Variants in PLCXD3 observed in about 807,000 individuals in gnomAD.
The protein encoded by PLCXD3 is PI-PLC X domain-containing protein 3.
Under a neutral mutation model 25.5 loss-of-function variants are expected in PLCXD3, and 19 were observed. The observed-to-expected ratio is 0.75, with a 90% CI of 0.52 to 1.09. PLCXD3 has a LOEUF of 1.09. PLCXD3 is among the 50% of genes least tolerant of loss of function. The pLI is 0.00. For synonymous variants in PLCXD3, 174 were observed against 137.6 expected, an observed-to-expected ratio of 1.26 and a Z score of -1.85; for missense variants, 411 against 388.1, an observed-to-expected ratio of 1.06 and a Z score of -0.50.
chr5:41,441,532 T>A (rs1339519747), intron 1 of PLCXD3, among the ~76,000 whole-genome samples: 2 of 152,148 alleles, frequency 1.3e-5, no homozygotes, highest in Non-Finnish European at 1.5e-5. Context: ...GAAACCTCCC[T>A]CCAGGAGGGA....
At chr5:41,317,834 A>T (rs1743346762) in intron 2 of PLCXD3, among the ~76,000 whole-genome samples, 1 of 152,126 alleles carries the variant, frequency 6.6e-6, no homozygotes, top group Non-Finnish European at 1.5e-5. Flanking sequence ...AAAAGAAAAA[A>T]TAATAAAAAA....
At chr5:41,386,494 C>T (rs909068195) in intron 1 of PLCXD3, among the ~76,000 whole-genome samples, 14 of 152,154 alleles carry the variant, frequency 9.2e-5, no homozygotes, top group African/African-American at 3.4e-4. Flanking sequence ...GTGACAAGAC[C>T]TATATAATCC....
At chr5:41,472,710 G>T (rs576913179) in intron 1 of PLCXD3, among the ~76,000 whole-genome samples, 12 of 152,222 alleles carry the variant, frequency 7.9e-5, no homozygotes, top group Admixed American at 2.0e-4. Flanking sequence ...AAGAAGCAAT[G>T]ATGGTTTGAA....
intron 1 of PLCXD3, among the ~76,000 whole-genome samples, chr5:41,474,195 C>A (rs1412539077): frequency 1.2e-4 from 18 of 152,170 alleles, no homozygotes; most frequent in Admixed American, 1.2e-3. Flanking sequence ...GCTTCCACAG[C>A]CCTTTGTATT....
intron 2 of PLCXD3, among the ~76,000 whole-genome samples, chr5:41,325,409 C>T (rs573957101): frequency 6.6e-6 from 1 of 152,170 alleles, no homozygotes; most frequent in Non-Finnish European, 1.5e-5. Flanking sequence ...ACTGAAGTTA[C>T]AACAATTATT....
At chr5:41,492,768 G>A (rs1032499147) in intron 1 of PLCXD3, among the ~76,000 whole-genome samples, 54 of 152,294 alleles carry the variant, frequency 3.5e-4, no homozygotes, top group Admixed American at 1.1e-3. Context: ...TCGAGCCTTG[G>A]CTTTCAGCCC....
intron 1 of PLCXD3, among the ~76,000 whole-genome samples, chr5:41,484,810 A>G (rs891000082): frequency 2.0e-5 from 3 of 152,208 alleles, no homozygotes; most frequent in Admixed American, 6.6e-5. Flanking sequence ...TCTTAATCCA[A>G]TAGCCTTGGA....
At chr5:41,500,640 G>A (rs1748932449) in intron 1 of PLCXD3, among the ~76,000 whole-genome samples, 1 of 151,678 alleles carries the variant, frequency 6.6e-6, no homozygotes, top group African/African-American at 2.4e-5. Context: ...AATGTAGGGG[G>A]AAAGCTTTAT....
chr5:41,487,678 C>A (rs1748549110), intron 1 of PLCXD3, among the ~76,000 whole-genome samples: 1 of 152,092 alleles, frequency 6.6e-6, no homozygotes, highest in African/African-American at 2.4e-5. Flanking sequence ...GGGAATGTCT[C>A]CTCAGGAGGT....
In PLCXD3 at chr5:41,310,128, A is replaced by G. The variant is rs932710591; in HGVS notation, c.*3489T>C. The G allele has an allele frequency of 1.3e-5, 2 of 152,280 alleles. No homozygotes were observed. Among genetic ancestry groups the G allele is most frequent in the Middle Eastern group, 3.4e-3 (1 of 294 alleles). The allele number at this position is 152,280 out of a possible 1,614,324, so 9.4% of individuals were successfully genotyped here. ...AAAGTAAGTTTTCCCAGTATGGCTGAAAGTCAATATTGAGGTCATCATATA... is the reference window on the plus strand; with the variant it reads ...AAAGTAAGTTTTCCCAGTATGGCTGGAAGTCAATATTGAGGTCATCATATA... On this transcript the variant is annotated 3_prime_UTR_variant, in exon 3 of 3. Coordinates refer to ENST00000377801, the MANE Select transcript of PLCXD3 (RefSeq NM_001005473.3).
At chr5:41,417,345 C>A (rs1746717809) in intron 1 of PLCXD3, among the ~76,000 whole-genome samples, 1 of 152,182 alleles carries the variant, frequency 6.6e-6, no homozygotes, top group South Asian at 2.1e-4. Context: ...TGAGTGTCTT[C>A]TCAGGAGCCC....
At chr5:41,412,841 A>C (rs997665226) in intron 1 of PLCXD3, among the ~76,000 whole-genome samples, 1 of 152,218 alleles carries the variant, frequency 6.6e-6, no homozygotes, top group African/African-American at 2.4e-5. Context: ...CATCTCTAAC[A>C]GTGCTTTACT....
chr5:41,372,089 C>T (rs529014136), intron 2 of PLCXD3, among the ~76,000 whole-genome samples: 1 of 152,048 alleles, frequency 6.6e-6, no homozygotes, highest in South Asian at 2.1e-4. Flanking sequence ...CATCGACCTA[C>T]CTCCTTTCAA....
At chr5:41,315,087 G>A (rs751959483) in intron 2 of PLCXD3, among the ~76,000 whole-genome samples, 127 of 152,292 alleles carry the variant, frequency 8.3e-4, no homozygotes, top group Admixed American at 4.2e-3. Flanking sequence ...GAATCATGGT[G>A]TGTGCTTAGG....
At chr5:41,480,321 C>T (rs1748377207) in intron 1 of PLCXD3, among the ~76,000 whole-genome samples, 2 of 151,542 alleles carry the variant, frequency 1.3e-5, no homozygotes, top group African/African-American at 4.9e-5. Flanking sequence ...CAGCAATGTC[C>T]TTTTGAGTAT....
At chr5:41,392,172 C>T (rs1414430673) in intron 1 of PLCXD3, among the ~76,000 whole-genome samples, 1 of 152,194 alleles carries the variant, frequency 6.6e-6, no homozygotes, top group Non-Finnish European at 1.5e-5. Context: ...GCTTTGCCAC[C>T]TGCTGATTGT....
chr5:41,479,398 T>A (rs1187482291), intron 1 of PLCXD3, among the ~76,000 whole-genome samples: 2 of 152,140 alleles, frequency 1.3e-5, no homozygotes, highest in East Asian at 3.9e-4. Context: ...GAAAAAATTC[T>A]TGAGATAGAG....
At chr5:41,375,729 C>T (rs1313186539) in intron 2 of PLCXD3, among the ~76,000 whole-genome samples, 1 of 152,112 alleles carries the variant, frequency 6.6e-6, no homozygotes, top group Non-Finnish European at 1.5e-5. Flanking sequence ...AATTTACTTT[C>T]CTAAACCCCT....
At chr5:41,416,756 C>T (rs1225502884) in intron 1 of PLCXD3, among the ~76,000 whole-genome samples, 1 of 152,168 alleles carries the variant, frequency 6.6e-6, no homozygotes, top group Admixed American at 6.5e-5. Context: ...CCATCATATC[C>T]TTTTGCCTAT....
Sources: gnomAD v4.1 joint callset for allele counts (sites outside exome capture counted in the v4.1 genomes callset) on GRCh38, gnomAD v4.1.1 for gene constraint, MANE v1.5 for transcripts, NCBI Gene and HGNC (gene_info 2026-07-23, HGNC 2026-07-21) for gene names.